COL19A1: variants seen among roughly 807,000 people sequenced by gnomAD.
COL19A1 encodes the protein collagen type XIX alpha 1 chain.
In COL19A1, 159 loss-of-function variants were observed where a neutral mutation model predicts 190.2. The ratio of observed to expected loss-of-function variants is 0.84; its 90% CI spans 0.73 to 0.95. The LOEUF (loss-of-function observed/expected upper bound fraction) is 0.95. Among genes scored for constraint, COL19A1 ranks in the 40% least tolerant of loss-of-function variants. The probability of loss-of-function intolerance (pLI) is 0.00; values close to 1 mark genes in which losing one functional copy is unlikely to be tolerated. For synonymous variants in COL19A1, 509 were observed against 458.9 expected, an observed-to-expected ratio of 1.11 and a Z score of -1.39; for missense variants, 1,418 against 1,431.9, an observed-to-expected ratio of 0.99 and a Z score of 0.16.
chr6:69,954,227 A>G (rs976934825), intron 9 of COL19A1, among the ~76,000 whole-genome samples: 1 of 152,014 alleles, frequency 6.6e-6, no homozygotes. Context: ...CTCAGCTCAC[A>G]TAGCACTTTA....
At chr6:69,884,365 C>A (rs1768771599) in intron 2 of COL19A1, among the ~76,000 whole-genome samples, 1 of 151,008 alleles carries the variant, frequency 6.6e-6, no homozygotes, top group Admixed American at 6.6e-5. Flanking sequence ...AGTATCAGAC[C>A]AATGAGAGGA....
At position 70,211,178 on chromosome 6, in the gene COL19A1, T is replaced by G. The variant is rs1768181574; in HGVS notation, c.*3904T>G. Reference sequence around the variant, plus strand: ...AGTTATATTTGTATAACGTTTATATTTTTCTAGAATACATCACTATTTACA... The same window carrying G: ...AGTTATATTTGTATAACGTTTATATGTTTCTAGAATACATCACTATTTACA... On this transcript the variant is annotated 3_prime_UTR_variant, in exon 51 of 51. Transcript: ENST00000620364. 6.6e-6 allele frequency among the ~76,000 whole-genome samples: 1 copy of G among 152,152 alleles called. No homozygotes were observed. The highest frequency in any genetic ancestry group is 2.4e-5 in the African/African-American group (1 of 41,452).
At position 70,076,014 on chromosome 6, in the gene COL19A1, C is replaced by G. The variant is rs191097017; in HGVS notation, c.1224+7538C>G. ...TGGTTTATTTATTTATGTGAATAGACCCAAGAGCTGTTCTCTGATGTGGAA... is the reference window on the plus strand; with the variant it reads ...TGGTTTATTTATTTATGTGAATAGAGCCAAGAGCTGTTCTCTGATGTGGAA... On this transcript the variant is annotated intron_variant, in intron 15 of 50. Transcript: ENST00000620364. 2.9e-3 allele frequency among the ~76,000 whole-genome samples: 446 copies of G among 152,208 alleles called. 2 individuals carry two copies. The highest frequency in any genetic ancestry group is 0.01 in the African/African-American group (430 of 41,526).
At chr6:70,199,776 C>A in intron 49 of COL19A1, 40 bp downstream of exon 49, 1 of 1,554,602 alleles carries the variant, frequency 6.4e-7, no homozygotes, top group Admixed American at 1.8e-5. Context: ...TGATTTTTAA[C>A]TCTCTGTATT....
chr6:70,121,270 G>T (rs1784867458), intron 16 of COL19A1, among the ~76,000 whole-genome samples: 1 of 151,954 alleles, frequency 6.6e-6, no homozygotes, highest in African/African-American at 2.4e-5. Context: ...AAATGTATTT[G>T]CTTCTTTCCT....
chr6:69,879,808 C>T, intron 2 of COL19A1, 150 bp downstream of exon 2: 1 of 700,940 alleles, frequency 1.4e-6, no homozygotes. Flanking sequence ...TTGATCTTCC[C>T]ATGATGCACA....
intron 14 of COL19A1, among the ~76,000 whole-genome samples, chr6:70,059,528 T>G (rs1394995405): frequency 6.6e-6 from 1 of 152,210 alleles, no homozygotes; most frequent in Non-Finnish European, 1.5e-5. Flanking sequence ...TTGTCTTAAA[T>G]AATCAGCAGA....
chr6:70,086,044 G>A (rs564441415), intron 15 of COL19A1, among the ~76,000 whole-genome samples: 1 of 152,268 alleles, frequency 6.6e-6, no homozygotes, highest in Admixed American at 6.5e-5. Context: ...TTCCTTGGAT[G>A]GTTAGTTCTT....
chr6:69,880,035 T>TTTTTC (rs1768419571), intron 2 of COL19A1: 1 of 263,848 alleles, frequency 3.8e-6, no homozygotes, highest in Non-Finnish European at 7.1e-6. Context: ...ATATCTAATC[T>TTTTTC]TAATTAGGAA....
chr6:70,172,298 G>C (rs1373433868), intron 41 of COL19A1, among the ~76,000 whole-genome samples: 1 of 152,174 alleles, frequency 6.6e-6, no homozygotes, highest in Non-Finnish European at 1.5e-5. Context: ...GGCAGTATCT[G>C]AGCAAAGACC....
rs755913076 is a variant in COL19A1, at chr6:70,188,158, T to A, written c.2940T>A (p.Gly980=). 6.2e-7 allele frequency: 1 copy of A among 1,613,956 alleles called. No homozygotes were observed. The highest frequency in any genetic ancestry group is 8.5e-7 in the Non-Finnish European group (1 of 1,179,914). Residue 980 remains glycine (G), a synonymous_variant, in exon 47 of 51, where the codon GGT becomes GGA. Transcript: ENST00000620364. The part of the protein sequence containing the change: ...PGLTGMKGAI[G]PMGPPGNKGS... ...TTACAGGCATGAAGGGGGCCATCGGTCCTATGGGTCCACCAGGAAACAAGG... is the reference window on the plus strand; with the variant it reads ...TTACAGGCATGAAGGGGGCCATCGGACCTATGGGTCCACCAGGAAACAAGG...
intron 8 of COL19A1, 129 bp downstream of exon 8, chr6:69,937,039 T>C (rs1773158620): frequency 2.3e-6 from 3 of 1,301,910 alleles, no homozygotes; most frequent in South Asian, 1.5e-5. Context: ...CCTCAGTTAC[T>C]GGGGTGGGTT....
intron 16 of COL19A1, among the ~76,000 whole-genome samples, chr6:70,118,419 G>A (rs1036482762): frequency 7.9e-5 from 12 of 152,196 alleles, no homozygotes; most frequent in African/African-American, 2.9e-4. Context: ...GGGACTTCCA[G>A]AAGACTCTAA....
intron 11 of COL19A1, among the ~76,000 whole-genome samples, chr6:69,990,262 A>G (rs1488604995): frequency 2.0e-5 from 3 of 152,120 alleles, no homozygotes; most frequent in African/African-American, 7.2e-5. Context: ...CCCAGTCAGC[A>G]TATGTTTCAG....
At chr6:70,031,452 C>T (rs547813595) in intron 12 of COL19A1, among the ~76,000 whole-genome samples, 3 of 151,988 alleles carry the variant, frequency 2.0e-5, no homozygotes, top group South Asian at 4.2e-4. Context: ...TTTTCATCCT[C>T]CCTTGCCCCC....
At chr6:69,889,577 G>A (rs1270377102) in intron 2 of COL19A1, among the ~76,000 whole-genome samples, 1 of 152,066 alleles carries the variant, frequency 6.6e-6, no homozygotes, top group Non-Finnish European at 1.5e-5. Flanking sequence ...GATTGTAAAC[G>A]CACCAATCAG....
intron 11 of COL19A1, among the ~76,000 whole-genome samples, chr6:69,981,626 C>T: frequency 6.6e-6 from 1 of 151,544 alleles, no homozygotes; most frequent in East Asian, 1.9e-4. Context: ...TGTCTTACTT[C>T]AGAACTTACA....
rs140934971 is a variant in COL19A1 at position 70,167,283 on chromosome 6, A to G, written c.2446-742A>G. 9.8e-5 allele frequency among the ~76,000 whole-genome samples: 15 copies of G among 152,358 alleles called. No individual in the cohort carries two copies. In the East Asian group the frequency reaches 2.9e-3, roughly 29 times the overall value. On this transcript the variant is annotated intron_variant, in intron 37 of 50. Coordinates refer to ENST00000620364, the MANE Select transcript of COL19A1 (RefSeq NM_001858.6). The stretch of plus-strand genomic sequence containing the variant: ...GCAACTGATATGTGAAAACTGCAGA[A>G]AGGAAAAGGCAGATTTGACTATTGA...
In COL19A1 at chr6:70,207,354, C is replaced by G; in HGVS notation, c.*80C>G. On this transcript the variant is annotated 3_prime_UTR_variant, in exon 51 of 51. Coordinates refer to ENST00000620364, the MANE Select transcript of COL19A1 (RefSeq NM_001858.6). ...CTTAATACCGTCAAACCCTCATCAT[C>G]TGTGGGTTGCTTTTTTTTTTTTTTT... The G allele has an allele frequency of 2.3e-5, 13 of 571,316 alleles. No individual in the cohort carries two copies. The highest frequency in any genetic ancestry group is 2.7e-5 in the Non-Finnish European group (11 of 404,204). The allele number at this position is 571,316 out of a possible 1,614,324, so 35.4% of individuals were successfully genotyped here.
Sources: gnomAD v4.1 joint callset for allele counts (sites outside exome capture counted in the v4.1 genomes callset) on GRCh38, gnomAD v4.1.1 for gene constraint, MANE v1.5 for transcripts, NCBI Gene and HGNC (gene_info 2026-07-23, HGNC 2026-07-21) for gene names.